The following HLTF variants were observed in gnomAD, a reference collection of about 807,000 sequenced individuals.
HLTF encodes DNA-dependent ATPase/E3 ubiquitin-protein ligase HLTF.
In HLTF, 127 loss-of-function variants were observed where a neutral mutation model predicts 129.4. The observed-to-expected ratio is 0.98, with a 90% CI of 0.85 to 1.14. HLTF has a LOEUF of 1.14. Among genes scored for constraint, HLTF ranks in the 50% most tolerant of loss-of-function variants. HLTF has a pLI of 0.00. For missense variants in HLTF, 1,139 were observed against 1,187.1 expected, an observed-to-expected ratio of 0.96 and a Z score of 0.60; for synonymous variants, 332 against 388.8, an observed-to-expected ratio of 0.85 and a Z score of 1.72.
intron 2 of HLTF, among the ~76,000 whole-genome samples, chr3:149,082,191 GCTCA>G (rs1443410359): frequency 6.6e-6 from 1 of 152,188 alleles, no homozygotes; most frequent in Non-Finnish European, 1.5e-5. Context: ...GGGCGCAGTG[GCTCA>G]CACCTGTAAT....
chr3:149,059,653 T>C, intron 13 of HLTF, 65 bp downstream of exon 13: 1 of 962,794 alleles, frequency 1.0e-6, no homozygotes, highest in Non-Finnish European at 1.6e-6. Context: ...AACTTAAAAT[T>C]TTAAATTTTT....
chr3:149,054,088 A>G (rs146170189), intron 14 of HLTF, among the ~76,000 whole-genome samples: 154 of 152,246 alleles, frequency 1.0e-3, no homozygotes, highest in Middle Eastern at 6.8e-3. Context: ...CATGTCACGG[A>G]AAAAAAGACT....
rs1716527661 is a variant in HLTF, at chr3:149,046,123, T to C, written c.2029A>G (p.Ile677Val). Reference sequence around the variant, plus strand: ...CCTTCATTTTTCACAGACTGATAAATCTTTCTCTCTTCATCTGAAAGTGTA... The same window carrying C: ...CCTTCATTTTTCACAGACTGATAAACCTTTCTCTCTTCATCTGAAAGTGTA... ...HITLSDEERK[I>V]YQSVKNEGRA... The change falls in exon 18 of 25, where the codon ATT becomes GTT. Residue 677 changes from isoleucine (I) to valine (V), a missense_variant. Transcript: ENST00000310053. 1.9e-6 allele frequency: 3 copies of C among 1,611,588 alleles called. No individual in the cohort carries two copies. The South Asian group carries it at 3.3e-5, about 18-fold the overall frequency.
At chr3:149,058,525 C>CAATT (rs1717666029) in intron 13 of HLTF, among the ~76,000 whole-genome samples, 1 of 152,168 alleles carries the variant, frequency 6.6e-6, no homozygotes, top group East Asian at 1.9e-4. Context: ...CTTACATAGT[C>CAATT]TAGAATTGAA....
intron 20 of HLTF, chr3:149,040,370 T>G: frequency 2.2e-6 from 1 of 456,218 alleles, no homozygotes; most frequent in Non-Finnish European, 3.8e-6. Context: ...GGAGCAAAAG[T>G]ATGTGATCTG....
intron 7 of HLTF, among the ~76,000 whole-genome samples, chr3:149,070,346 C>A (rs1336671429): frequency 3.3e-5 from 5 of 152,302 alleles, no homozygotes; most frequent in African/African-American, 1.2e-4. Context: ...GCCATCTATT[C>A]GGCCAAACAC....
rs531549392 is a variant in HLTF, at chr3:149,035,780, T to TA, written c.2797-783dup. The stretch of plus-strand genomic sequence containing the variant: ...CGTTAGTTTGACTTTAAAGCTGAGC[T>TA]AAAAAAAGTACCATTAGCTAATTAA... On this transcript the variant is annotated intron_variant, in intron 23 of 24. Coordinates refer to ENST00000310053, the MANE Select transcript of HLTF (RefSeq NM_003071.4). Among the ~76,000 whole-genome samples, 538 of 151,852 alleles carry TA rather than the reference T, an allele frequency of 3.5e-3. 4 individuals are homozygous for TA. Among genetic ancestry groups the TA allele is most frequent in the African/African-American group, 0.012 (501 of 41,402 alleles).
chr3:149,073,356 C>T, intron 4 of HLTF, 34 bp from the exon 5 acceptor site: 2 of 1,423,860 alleles, frequency 1.4e-6, no homozygotes, highest in Non-Finnish European at 9.8e-7. Context: ...ATAAAGCCAT[C>T]AAATAAAGTA....
At chr3:149,033,349 C>T (rs980001468) in intron 24 of HLTF, among the ~76,000 whole-genome samples, 15 of 145,256 alleles carry the variant, frequency 1.0e-4, no homozygotes, top group African/African-American at 3.3e-4. Flanking sequence ...AGATAGTTCT[C>T]GAAAGTAATA....
At position 149,036,434 on chromosome 3, in the gene HLTF, G is replaced by A. The variant is rs1207453078; in HGVS notation, c.2797-1436C>T. Among the ~76,000 whole-genome samples, 14 of 151,580 alleles carry A rather than the reference G, an allele frequency of 9.2e-5. No homozygotes were observed. The East Asian group carries it at 1.6e-3, about 17-fold the overall frequency. On this transcript the variant is annotated intron_variant, in intron 23 of 24. Transcript: ENST00000310053. ...CTCCCAAGTAGCTGGGATTACAGGC[G>A]CTTGCCACCATGCCCCGCTAATTTT... is the stretch of plus-strand genomic sequence containing the variant.
intron 24 of HLTF, among the ~76,000 whole-genome samples, chr3:149,033,492 G>A (rs909383205): frequency 3.3e-5 from 5 of 151,962 alleles, no homozygotes; most frequent in African/African-American, 1.2e-4. Context: ...ACCCTATCAG[G>A]TATCAAAACT....
intron 18 of HLTF, among the ~76,000 whole-genome samples, chr3:149,045,123 C>T (rs1201271700): frequency 1.3e-5 from 2 of 152,138 alleles, no homozygotes; most frequent in African/African-American, 4.8e-5. Flanking sequence ...TGACTATTTT[C>T]TCTCGTTCAT....
At chr3:149,073,402 G>T in intron 4 of HLTF, 80 bp from the exon 5 acceptor site, 1 of 971,740 alleles carries the variant, frequency 1.0e-6, no homozygotes, top group Non-Finnish European at 1.6e-6. Context: ...TTTAAAATAT[G>T]CATTAACAGG....
At chr3:149,045,574 T>G (rs372744307) in intron 18 of HLTF, among the ~76,000 whole-genome samples, 2 of 152,204 alleles carry the variant, frequency 1.3e-5, no homozygotes, top group South Asian at 2.1e-4. Flanking sequence ...CTCTCTCTAA[T>G]TCCTATCAAA....
chr3:149,067,432 T>C (rs775356839), intron 8 of HLTF, among the ~76,000 whole-genome samples: 21 of 152,190 alleles, frequency 1.4e-4, no homozygotes, highest in Non-Finnish European at 2.9e-4. Flanking sequence ...GGTTACATAA[T>C]AGTAAGTTTT....
chr3:149,082,467 C>CA (rs1213287335), intron 2 of HLTF, among the ~76,000 whole-genome samples: 35 of 149,678 alleles, frequency 2.3e-4, no homozygotes, highest in Middle Eastern at 3.4e-3. Flanking sequence ...TCAAAAAAAA[C>CA]AAAAAAAAAG....
At chr3:149,032,458 T>C (rs1715165597) in intron 24 of HLTF, 86 bp from the exon 25 acceptor site, 3 of 848,916 alleles carry the variant, frequency 3.5e-6, no homozygotes, top group Admixed American at 3.2e-5. Flanking sequence ...AAGATTTGCC[T>C]AATGGCAAAA....
At chr3:149,075,845 C>A (rs1232092413) in intron 3 of HLTF, 36 bp downstream of exon 3, 3 of 1,479,664 alleles carry the variant, frequency 2.0e-6, no homozygotes, top group Admixed American at 2.0e-5. Context: ...GACTATAATT[C>A]ACAATTATTA....
At chr3:149,041,214 A>T (rs1254877180) in intron 20 of HLTF, among the ~76,000 whole-genome samples, 1 of 152,214 alleles carries the variant, frequency 6.6e-6, no homozygotes, top group Non-Finnish European at 1.5e-5. Flanking sequence ...TGACTACTAG[A>T]AAACTGAAAA....
Sources: gnomAD v4.1 joint callset for allele counts (sites outside exome capture counted in the v4.1 genomes callset) on GRCh38, gnomAD v4.1.1 for gene constraint, MANE v1.5 for transcripts, NCBI Gene and HGNC (gene_info 2026-07-23, HGNC 2026-07-21) for gene names.